The following LY75 variants were observed in gnomAD, a reference collection of about 807,000 sequenced individuals.
LY75 encodes C-type lectin domain family 13 member B.
In LY75, 185 loss-of-function variants were observed where a neutral mutation model predicts 231.7. That is an observed-to-expected ratio of 0.80 (90% CI 0.71 to 0.90). The LOEUF is 0.90. Ranked by LOEUF, LY75 falls within the 40% of genes least tolerant of loss-of-function variation. The pLI is 0.00. For synonymous variants in LY75, 668 were observed against 689.0 expected (o/e 0.97, Z 0.48); for missense variants, 1,947 against 2,050.2 (o/e 0.95, Z 0.97).
intron 34 of LY75, among the ~76,000 whole-genome samples, chr2:159,805,684 G>C (rs745709340): frequency 6.6e-6 from 1 of 152,222 alleles, no homozygotes; most frequent in African/African-American, 2.4e-5. Context: ...TGCAGCTGCT[G>C]TTCCAAGACC....
At chr2:159,847,672 T>G (rs925601651) in intron 23 of LY75, among the ~76,000 whole-genome samples, 1 of 152,222 alleles carries the variant, frequency 6.6e-6, no homozygotes, top group Non-Finnish European at 1.5e-5. Context: ...CTGGCACATC[T>G]TAACTGCTTG....
At chr2:159,811,854 C>T (rs532080804) in intron 31 of LY75, among the ~76,000 whole-genome samples, 2 of 152,202 alleles carry the variant, frequency 1.3e-5, no homozygotes, top group East Asian at 3.8e-4. Context: ...AGCAGTTGGA[C>T]TCCTGGGTAA....
intron 31 of LY75, chr2:159,812,343 C>T (rs1443712171): frequency 2.1e-5 from 3 of 143,874 alleles, no homozygotes; most frequent in African/African-American, 7.8e-5. Flanking sequence ...CATTCCTGTT[C>T]AAGAAGATCC....
chr2:159,829,988 G>A (rs1367050016), intron 28 of LY75, among the ~76,000 whole-genome samples: 1 of 152,146 alleles, frequency 6.6e-6, no homozygotes, highest in Admixed American at 6.5e-5. Context: ...TGTTTCTTCA[G>A]TCACTTTCAG....
At chr2:159,847,198 G>A (rs1684228643) in intron 23 of LY75, among the ~76,000 whole-genome samples, 1 of 152,144 alleles carries the variant, frequency 6.6e-6, no homozygotes, top group South Asian at 2.1e-4. Flanking sequence ...CTTCTTAGTA[G>A]AGACGGGGTT....
At chr2:159,897,888 G>C (rs1173412196) in intron 2 of LY75, among the ~76,000 whole-genome samples, 1 of 151,996 alleles carries the variant, frequency 6.6e-6, no homozygotes, top group Non-Finnish European at 1.5e-5. Context: ...CTAGACTCAG[G>C]GCTAAGTCCA....
intron 16 of LY75, among the ~76,000 whole-genome samples, chr2:159,857,603 G>A (rs2125858443): frequency 6.6e-6 from 1 of 152,198 alleles, no homozygotes. Context: ...TTGGCTAGGT[G>A]CGGTAGTGGG....
chr2:159,858,526 A>G lies in LY75; in HGVS notation c.2269-50T>C, dbSNP rs775626976. On this transcript the variant is annotated intron_variant, in intron 15 of 34. Coordinates refer to ENST00000263636, the MANE Select transcript of LY75 (RefSeq NM_002349.4). ...ATATTTTGAAGTTGATACATCCCTT[A>G]TGGAACACTAAACTGTAAGCCCTAT... 2.6e-6 allele frequency: 4 copies of G among 1,562,154 alleles called. No individual in the cohort carries two copies. In the Admixed American group the frequency reaches 5.6e-5, roughly 22 times the overall value.
chr2:159,852,827 C>A (rs1684442815), intron 20 of LY75, among the ~76,000 whole-genome samples: 1 of 152,184 alleles, frequency 6.6e-6, no homozygotes, highest in African/African-American at 2.4e-5. Flanking sequence ...TTTCTGTCTT[C>A]TATGATTATT....
At chr2:159,876,998 A>G (rs1195147954) in intron 11 of LY75, among the ~76,000 whole-genome samples, 31 of 125,088 alleles carry the variant, frequency 2.5e-4, no homozygotes, top group African/African-American at 8.6e-4. Flanking sequence ...AAGAGGAGCG[A>G]AACTCCATCT....
At chr2:159,807,335 A>G (rs918086983) in intron 33 of LY75, among the ~76,000 whole-genome samples, 195 bp from the exon 34 acceptor site, 1 of 152,276 alleles carries the variant, frequency 6.6e-6, no homozygotes, top group Non-Finnish European at 1.5e-5. Flanking sequence ...CAAGAGCCAC[A>G]TGTGGCCAGT....
intron 23 of LY75, among the ~76,000 whole-genome samples, chr2:159,843,382 AT>A (rs1425722202): frequency 1.3e-5 from 2 of 152,140 alleles, no homozygotes; most frequent in Non-Finnish European, 2.9e-5. Flanking sequence ...TCTAAATTAA[AT>A]AGACAACTTT....
intron 8 of LY75, among the ~76,000 whole-genome samples, chr2:159,880,299 G>A (rs1034182758): frequency 2.0e-5 from 3 of 152,180 alleles, no homozygotes; most frequent in Non-Finnish European, 4.4e-5. Context: ...AAATGTTTAA[G>A]CATTCTATAG....
intron 12 of LY75, 146 bp from the exon 13 acceptor site, chr2:159,872,739 GAC>G (rs1685055798): frequency 2.4e-6 from 2 of 849,708 alleles, no homozygotes; most frequent in Non-Finnish European, 3.5e-6. Flanking sequence ...CATATACTGA[GAC>G]ACAGACAGGT....
chr2:159,887,234 C>CACACACACACACAT (rs1186984708), intron 4 of LY75, among the ~76,000 whole-genome samples: 1 of 150,886 alleles, frequency 6.6e-6, no homozygotes, highest in Non-Finnish European at 1.5e-5. Flanking sequence ...CACACACACA[C>CACACACACACACAT]ACACACACAC....
At chr2:159,888,216 C>T (rs1178806186) in intron 4 of LY75, among the ~76,000 whole-genome samples, 3 of 152,206 alleles carry the variant, frequency 2.0e-5, no homozygotes, top group South Asian at 2.1e-4. Flanking sequence ...AAGAGGGGTA[C>T]GTAGTATAAC....
chr2:159,823,293 G>A lies in LY75; in HGVS notation c.3959-3373C>T, dbSNP rs561789944. Among the ~76,000 whole-genome samples the A allele has an allele frequency of 4.6e-5, 7 of 152,212 alleles. No homozygotes were observed. In the South Asian group the frequency reaches 8.3e-4, roughly 18 times the overall value. ...CTGAAAAACACAGCATGAGAACTTC[G>A]TGAAGCATACACAAGTATCAATAGC... On this transcript the variant is annotated intron_variant, in intron 28 of 34. Transcript: ENST00000263636.
chr2:159,872,657 G>T (rs1685051303), intron 12 of LY75, 64 bp from the exon 13 acceptor site: 4 of 1,546,198 alleles, frequency 2.6e-6, no homozygotes, highest in Non-Finnish European at 3.5e-6. Flanking sequence ...TAGTGCTAAA[G>T]TCAATTACTG....
At chr2:159,823,697 G>A (rs765409549) in intron 28 of LY75, among the ~76,000 whole-genome samples, 1 of 152,214 alleles carries the variant, frequency 6.6e-6, no homozygotes, top group Admixed American at 6.5e-5. Flanking sequence ...AACAGCCAGA[G>A]AGAAAGGTCA....
Sources: allele counts gnomAD v4.1 joint callset (sites outside exome capture counted in the v4.1 genomes callset), GRCh38; gene constraint gnomAD v4.1.1; transcripts MANE v1.5; gene names NCBI Gene and HGNC (gene_info 2026-07-23, HGNC 2026-07-21).